The following PRKN variants were observed in gnomAD, a reference collection of about 807,000 sequenced individuals.
PRKN encodes E3 ubiquitin-protein ligase parkin.
In PRKN, 56 loss-of-function variants were observed where a neutral mutation model predicts 59.5. The ratio of observed to expected loss-of-function variants is 0.94; its 90% CI spans 0.76 to 1.18. The LOEUF (loss-of-function observed/expected upper bound fraction) is 1.18, where lower values mean the gene tolerates loss of function less well. Ranked by LOEUF, PRKN falls within the 50% of genes most tolerant of loss-of-function variation. The pLI, the probability that PRKN is intolerant of heterozygous loss-of-function variation, is 0.00. For missense variants in PRKN, 657 were observed against 596.4 expected (o/e 1.10, Z -1.06); for synonymous variants, 250 against 222.1 (o/e 1.13, Z -1.12).
At chr6:161,398,283 T>C (rs1177246834) in intron 9 of PRKN, among the ~76,000 whole-genome samples, 1 of 152,086 alleles carries the variant, frequency 6.6e-6, no homozygotes, top group African/African-American at 2.4e-5. Flanking sequence ...AGTTGGAGCA[T>C]CCATGAGACA....
At position 161,460,433 on chromosome 6, in the gene PRKN, G is replaced by C. The variant is rs1790151437; in HGVS notation, c.1084-73556C>G. On this transcript the variant is annotated intron_variant, in intron 9 of 11. Transcript: ENST00000366898. The surrounding 1 kb of genome is among the most constrained non-coding windows in gnomAD (Gnocchi z 5.0). ...AATATAATGGGCTATACTTGGCATT[G>C]GAGTCATTTAGAAGGACACAGGACA... is the stretch of plus-strand genomic sequence containing the variant. Among the ~76,000 whole-genome samples the C allele has an allele frequency of 6.6e-6, 1 of 152,084 alleles. No individual in the cohort carries two copies. Among genetic ancestry groups the C allele is most frequent in the Non-Finnish European group, 1.5e-5 (1 of 68,020 alleles).
rs1344935777 is a variant in PRKN, at chr6:161,444,463, A to C, written c.1084-57586T>G. On this transcript the variant is annotated intron_variant, in intron 9 of 11. Coordinates refer to ENST00000366898, the MANE Select transcript of PRKN (RefSeq NM_004562.3). The surrounding 1 kb of genome is among the most constrained non-coding windows in gnomAD (Gnocchi z 5.6). ...AATTTACTCCGGCATTTCCATTTCCATGCATGCTTTTTCCATTTAGACTAA... is the reference window on the plus strand; with the variant it reads ...AATTTACTCCGGCATTTCCATTTCCCTGCATGCTTTTTCCATTTAGACTAA... 6.6e-6 allele frequency among the ~76,000 whole-genome samples: 1 copy of C among 152,160 alleles called. No individual in the cohort carries two copies. The highest frequency in any genetic ancestry group is 6.5e-5 in the Admixed American group (1 of 15,272).
At chr6:162,104,404 T>TA (rs1780101967) in intron 4 of PRKN, among the ~76,000 whole-genome samples, 1 of 152,106 alleles carries the variant, frequency 6.6e-6, no homozygotes, top group Non-Finnish European at 1.5e-5. Context: ...TGGCCACACA[T>TA]ATTAATAAAC....
intron 2 of PRKN, among the ~76,000 whole-genome samples, chr6:162,318,810 A>C (rs1377672633): frequency 6.6e-6 from 1 of 152,046 alleles, no homozygotes; most frequent in Non-Finnish European, 1.5e-5. Flanking sequence ...TGTGAAAGCA[A>C]AAACGAATTG....
At chr6:162,154,912 G>A (rs1782438426) in intron 4 of PRKN, among the ~76,000 whole-genome samples, 1 of 148,710 alleles carries the variant, frequency 6.7e-6, no homozygotes, top group East Asian at 2.0e-4. Flanking sequence ...TAGCTTAATT[G>A]AAAAATCAGG....
intron 2 of PRKN, among the ~76,000 whole-genome samples, chr6:162,390,775 T>C (rs1787142661): frequency 6.6e-6 from 1 of 152,242 alleles, no homozygotes; most frequent in South Asian, 2.1e-4. Context: ...AGTTTAGTAT[T>C]ATTTGACTAT....
At chr6:161,911,138 TTG>T (rs1319252974) in intron 6 of PRKN, among the ~76,000 whole-genome samples, 2 of 152,178 alleles carry the variant, frequency 1.3e-5, no homozygotes, top group Non-Finnish European at 2.9e-5. Flanking sequence ...GTATTTTCAT[TTG>T]TCTCATTTTT....
chr6:161,511,454 C>T (rs2115332715), intron 9 of PRKN, among the ~76,000 whole-genome samples: 1 of 152,260 alleles, frequency 6.6e-6, no homozygotes, highest in Admixed American at 6.5e-5. Context: ...CATTTCTAGA[C>T]TCCTGGGGAA....
chr6:162,616,474 C>T (rs922115729), intron 1 of PRKN, among the ~76,000 whole-genome samples: 17 of 152,132 alleles, frequency 1.1e-4, no homozygotes, highest in African/African-American at 4.1e-4. Context: ...AAGAATAAAA[C>T]TTACACTGCC....
chr6:162,711,806 C>G (rs1426397822), intron 1 of PRKN, among the ~76,000 whole-genome samples: 1 of 152,190 alleles, frequency 6.6e-6, no homozygotes, highest in Non-Finnish European at 1.5e-5. Context: ...TCTGAAACAG[C>G]TATTATCATT....
intron 2 of PRKN, among the ~76,000 whole-genome samples, chr6:162,376,517 G>T (rs1330519143): frequency 2.0e-5 from 3 of 151,350 alleles, no homozygotes; most frequent in Non-Finnish European, 4.4e-5. Flanking sequence ...ACTCTCCTTG[G>T]CACTGAGGAG....
intron 1 of PRKN, among the ~76,000 whole-genome samples, chr6:162,510,834 A>C (rs1454124672): frequency 6.6e-6 from 1 of 152,076 alleles, no homozygotes; most frequent in African/African-American, 2.4e-5. Context: ...GAGGCAGGAG[A>C]ATCGCTTGAT....
Position 161,480,657 on chromosome 6 carries a change from CA to C in PRKN, c.1083+68196del, listed in dbSNP as rs922291221. Among the ~76,000 whole-genome samples, 41 of 152,228 alleles carry C rather than the reference CA, an allele frequency of 2.7e-4. No homozygotes were observed. The highest frequency in any genetic ancestry group is 9.4e-4 in the African/African-American group (39 of 41,548). On this transcript the variant is annotated intron_variant, in intron 9 of 11. Transcript: ENST00000366898. The surrounding 1 kb of genome is among the most constrained non-coding windows in gnomAD (Gnocchi z 4.1). Reference sequence around the variant, plus strand: ...AAATATCGTCTCCTTTGTAGGAAATCACCTAACTGGAACCTTCAATGGAAGG... The same window carrying C: ...AAATATCGTCTCCTTTGTAGGAAATCCCTAACTGGAACCTTCAATGGAAGG...
chr6:161,855,082 C>CA (rs1203185737), intron 6 of PRKN, among the ~76,000 whole-genome samples: 1,826 of 44,610 alleles, frequency 0.041, 52 homozygotes, highest in African/African-American at 0.11. Context: ...GACTTCATCT[C>CA]AAAAAAAAAA....
intron 9 of PRKN, among the ~76,000 whole-genome samples, chr6:161,506,022 T>A (rs1291372138): frequency 1.3e-5 from 2 of 151,876 alleles, no homozygotes; most frequent in African/African-American, 4.8e-5. Context: ...CTTTTTTGGT[T>A]CCATATGAAC....
intron 6 of PRKN, among the ~76,000 whole-genome samples, chr6:161,935,788 G>A (rs1329065124): frequency 6.6e-6 from 1 of 152,142 alleles, no homozygotes; most frequent in Non-Finnish European, 1.5e-5. Flanking sequence ...TGATGTTGAA[G>A]AGGAAGCCTG....
chr6:161,737,571 A>G (rs1270789633), intron 7 of PRKN, among the ~76,000 whole-genome samples: 1 of 152,236 alleles, frequency 6.6e-6, no homozygotes, highest in Non-Finnish European at 1.5e-5. Flanking sequence ...CCTGAAATAT[A>G]TTAACTCAAT....
At chr6:162,181,710 G>A (rs563711697) in intron 4 of PRKN, among the ~76,000 whole-genome samples, 2 of 152,230 alleles carry the variant, frequency 1.3e-5, no homozygotes, top group African/African-American at 4.8e-5. Flanking sequence ...CACTAAGTGG[G>A]AATCAGGTCC....
In PRKN at chr6:161,948,922, G is replaced by A. The variant is rs2128245369; in HGVS notation, c.734+24380C>T. Among the ~76,000 whole-genome samples, 2 of 152,342 alleles carry A rather than the reference G, an allele frequency of 1.3e-5. 1 individual carries two copies. Among genetic ancestry groups the A allele is most frequent in the Middle Eastern group, 6.8e-3 (2 of 294 alleles). On this transcript the variant is annotated intron_variant, in intron 6 of 11. Coordinates refer to ENST00000366898, the MANE Select transcript of PRKN (RefSeq NM_004562.3). ...TTCTCATGTAGTATAAAAAGTCGCA[G>A]GAAGCTTTTTGGGAACTTGCCCCAG...
Sources: allele counts gnomAD v4.1 joint callset (sites outside exome capture counted in the v4.1 genomes callset), GRCh38; gene constraint gnomAD v4.1.1; non-coding constraint Gnocchi (gnomAD v3.1); transcripts MANE v1.5; gene names NCBI Gene and HGNC (gene_info 2026-07-23, HGNC 2026-07-21).